Variants in PLCB4 observed in about 807,000 individuals in gnomAD.
PLCB4 encodes the protein 1-phosphatidylinositol 4,5-bisphosphate phosphodiesterase beta-4.
PLCB4 carries 77 observed loss-of-function variants against 178.8 expected under a neutral mutation model. The ratio of observed to expected loss-of-function variants is 0.43; its 90% CI spans 0.36 to 0.52. The LOEUF (loss-of-function observed/expected upper bound fraction) is 0.52, where lower values mean the gene tolerates loss of function less well. Among genes scored for constraint, PLCB4 ranks in the 20% least tolerant of loss-of-function variants. PLCB4 has a pLI of 0.00. For synonymous variants in PLCB4, 496 were observed against 490.8 expected, an observed-to-expected ratio of 1.01 and a Z score of -0.14; for missense variants, 1,024 against 1,453.4, an observed-to-expected ratio of 0.70 and a Z score of 4.80.
At chr20:9,214,503 A>G (rs150639978) in intron 2 of PLCB4, among the ~76,000 whole-genome samples, 42 of 151,934 alleles carry the variant, frequency 2.8e-4, no homozygotes, top group African/African-American at 9.9e-4. Context: ...ATTATGGGAA[A>G]ATATCTTTCT....
At chr20:9,323,292 T>C (rs535295513) in intron 4 of PLCB4, among the ~76,000 whole-genome samples, 6 of 152,208 alleles carry the variant, frequency 3.9e-5, no homozygotes, top group Admixed American at 1.3e-4. Context: ...CAAGAGGCCT[T>C]CTTACTCACC....
intron 28 of PLCB4, among the ~76,000 whole-genome samples, chr20:9,429,720 C>G (rs1286529407): frequency 1.3e-5 from 2 of 152,156 alleles, no homozygotes; most frequent in African/African-American, 4.8e-5. Flanking sequence ...TCTACCTATC[C>G]ATATGTCTCA....
intron 24 of PLCB4, among the ~76,000 whole-genome samples, chr20:9,410,381 T>C (rs1437772015): frequency 6.6e-6 from 1 of 152,240 alleles, no homozygotes; most frequent in Non-Finnish European, 1.5e-5. Flanking sequence ...GTCCATAATA[T>C]GGATTAAATG....
chr20:9,375,010 C>T (rs982033995), intron 12 of PLCB4, among the ~76,000 whole-genome samples: 16 of 151,884 alleles, frequency 1.1e-4, no homozygotes, highest in African/African-American at 3.9e-4. Flanking sequence ...CTGATGGAAT[C>T]GGTGTGATTC....
In PLCB4 at chr20:9,293,072, CAAGA is replaced by C. The variant is rs372645343; in HGVS notation, c.-15-14709_-15-14706del. 6.3e-4 allele frequency among the ~76,000 whole-genome samples: 94 copies of C among 149,108 alleles called. 1 individual carries two copies. Among genetic ancestry groups the C allele is most frequent in the African/African-American group, 7.7e-4 (31 of 40,366 alleles). ...CCACCCTGGGTGACAGAGTGAGATT[CAAGA>C]AAGAAAGAAAGAAAGAAAAAGAGAG... On this transcript the variant is annotated intron_variant, in intron 3 of 39. Coordinates refer to ENST00000378473, the MANE Select transcript of PLCB4 (RefSeq NM_001377142.1).
chr20:9,090,510 G>GTTTTTTTTTTTTTTTTTTTTT (rs1491024281), intron 1 of PLCB4, among the ~76,000 whole-genome samples: 1 of 96,324 alleles, frequency 1.0e-5, no homozygotes. Flanking sequence ...CATTTTTAGT[G>GTTTTTTTTTTTTTTTTTTTTT]TGTTTTTTTT....
At chr20:9,383,880 C>G (rs1449623430) in intron 13 of PLCB4, among the ~76,000 whole-genome samples, 7 of 152,138 alleles carry the variant, frequency 4.6e-5, no homozygotes, top group Admixed American at 4.6e-4. Flanking sequence ...GAGTGAGTAG[C>G]AAGAGCAGAA....
intron 3 of PLCB4, among the ~76,000 whole-genome samples, chr20:9,257,261 G>T (rs2094245732): frequency 6.6e-6 from 1 of 152,174 alleles, no homozygotes; most frequent in Non-Finnish European, 1.5e-5. Flanking sequence ...GTAACTGCAT[G>T]ATTTTAATTG....
intron 1 of PLCB4, among the ~76,000 whole-genome samples, chr20:9,079,554 G>C (rs2090045695): frequency 6.6e-6 from 1 of 152,138 alleles, no homozygotes. Flanking sequence ...GAAGCCAGAG[G>C]GCAGGAGAGA....
At chr20:9,283,553 T>C (rs1568520965) in intron 3 of PLCB4, among the ~76,000 whole-genome samples, 2 of 151,942 alleles carry the variant, frequency 1.3e-5, no homozygotes, top group African/African-American at 2.4e-5. Flanking sequence ...AGAATTCTTA[T>C]CCTTTATGGC....
At chr20:9,374,355 C>T (rs1380918402) in intron 12 of PLCB4, among the ~76,000 whole-genome samples, 1 of 152,182 alleles carries the variant, frequency 6.6e-6, no homozygotes, top group Non-Finnish European at 1.5e-5. Flanking sequence ...AATCTTTACC[C>T]AGATACTATC....
chr20:9,321,017 A>G (rs2094953705), intron 4 of PLCB4, among the ~76,000 whole-genome samples: 1 of 152,242 alleles, frequency 6.6e-6, no homozygotes, highest in Admixed American at 6.5e-5. Flanking sequence ...ATCCATTTAA[A>G]GTTCTTTACA....
intron 4 of PLCB4, among the ~76,000 whole-genome samples, chr20:9,312,227 G>C (rs574328003): frequency 1.3e-5 from 2 of 151,844 alleles, no homozygotes; most frequent in South Asian, 4.2e-4. Context: ...ATCCCAGCTC[G>C]GGCTACCCCT....
chr20:9,410,018 G>A (rs529154895), intron 24 of PLCB4, among the ~76,000 whole-genome samples: 140 of 152,266 alleles, frequency 9.2e-4, no homozygotes, highest in African/African-American at 3.3e-3. Flanking sequence ...TAAGAGAACT[G>A]CCCATGCTTC....
chr20:9,257,829 A>G (rs1462029230), intron 3 of PLCB4, among the ~76,000 whole-genome samples: 1 of 152,230 alleles, frequency 6.6e-6, no homozygotes, highest in Non-Finnish European at 1.5e-5. Context: ...GAAATCAGAG[A>G]AGAGATGGAA....
chr20:9,196,509 G>C (rs2093474288), intron 2 of PLCB4, among the ~76,000 whole-genome samples: 1 of 152,160 alleles, frequency 6.6e-6, no homozygotes, highest in African/African-American at 2.4e-5. Context: ...TCTGTTCCTA[G>C]AGGAATAAAG....
intron 7 of PLCB4, among the ~76,000 whole-genome samples, chr20:9,345,402 G>T (rs544690001): frequency 6.6e-6 from 1 of 151,782 alleles, no homozygotes; most frequent in Non-Finnish European, 1.5e-5. Flanking sequence ...TTTTTTCCTC[G>T]CTCAGAATAC....
At chr20:9,374,270 A>G (rs2036491710) in intron 12 of PLCB4, among the ~76,000 whole-genome samples, 1 of 152,188 alleles carries the variant, frequency 6.6e-6, no homozygotes. Context: ...TGTACAATAC[A>G]ATGTTTATTT....
At chr20:9,367,620 A>G (rs1441096662) in intron 9 of PLCB4, among the ~76,000 whole-genome samples, 1 of 152,226 alleles carries the variant, frequency 6.6e-6, no homozygotes, top group African/African-American at 2.4e-5. Flanking sequence ...GTGTTTTTAC[A>G]TGCCTTACTA....
Sources: gnomAD v4.1 joint callset for allele counts (sites outside exome capture counted in the v4.1 genomes callset) on GRCh38, gnomAD v4.1.1 for gene constraint, MANE v1.5 for transcripts, NCBI Gene and HGNC (gene_info 2026-07-23, HGNC 2026-07-21) for gene names.